RBL2: variants seen among roughly 807,000 people sequenced by gnomAD.
RBL2 encodes the protein RB transcriptional corepressor like 2.
Under a neutral mutation model 126.0 loss-of-function variants are expected in RBL2, and 56 were observed. The ratio of observed to expected loss-of-function variants is 0.44; its 90% CI spans 0.36 to 0.56. The LOEUF (loss-of-function observed/expected upper bound fraction) is 0.56. Ranked by LOEUF, RBL2 falls within the 20% of genes least tolerant of loss-of-function variation. The pLI is 0.00. For missense variants in RBL2, 1,229 were observed against 1,398.2 expected (o/e 0.88, Z 1.93); for synonymous variants, 454 against 478.5 (o/e 0.95, Z 0.67).
chr16:53,461,999 G>C (rs1463545575), intron 10 of RBL2, 149 bp downstream of exon 10: 4 of 618,430 alleles, frequency 6.5e-6, no homozygotes, highest in Non-Finnish European at 5.5e-6. Context: ...TCAACCAACT[G>C]ATTTCTGAGC....
chr16:53,470,969 T>G, intron 17 of RBL2, 47 bp downstream of exon 17: 1 of 1,534,504 alleles, frequency 6.5e-7, no homozygotes, highest in Non-Finnish European at 8.8e-7. Flanking sequence ...TCTTCATTAC[T>G]GAGAACATTT....
At chr16:53,488,530 A>G (rs1961265010) in intron 21 of RBL2, 1 of 152,222 alleles carries the variant, frequency 6.6e-6, no homozygotes. Context: ...TTGACGTAAT[A>G]GGTGATAGCT....
At chr16:53,446,605 C>T (rs1311826119) in intron 3 of RBL2, among the ~76,000 whole-genome samples, 1 of 151,826 alleles carries the variant, frequency 6.6e-6, no homozygotes, top group Admixed American at 6.6e-5. Context: ...ATTAAAAAGG[C>T]CTTTTGTGAT....
In RBL2 at chr16:53,479,870, CATT is replaced by C. The variant is rs1960873679; in HGVS notation, c.2776-15_2776-13del. On this transcript the variant is annotated splice_polypyrimidine_tract_variant and intron_variant, in intron 18 of 21. Transcript: ENST00000262133. ...CAAATACTAGTTTATGTCCCCTTCT[CATT>C]GTTTCTCTAAAGGTGTATAGAAGTG... 1 of 1,525,900 alleles carries C rather than the reference CATT, an allele frequency of 6.6e-7. No individual in the cohort carries two copies. Among genetic ancestry groups the C allele is most frequent in the Non-Finnish European group, 9.0e-7 (1 of 1,112,414 alleles). The allele number at this position is 1,525,900 out of a possible 1,614,324, so 94.5% of individuals were successfully genotyped here.
At chr16:53,479,043 T>C (rs1960839952) in intron 17 of RBL2, 111 bp from the exon 18 acceptor site, 1 of 804,904 alleles carries the variant, frequency 1.2e-6, no homozygotes, top group Admixed American at 2.2e-5. Context: ...AGACTTTAAA[T>C]AGCTTTTATA....
intron 5 of RBL2, among the ~76,000 whole-genome samples, chr16:53,452,133 T>G (rs903261757): frequency 6.6e-6 from 1 of 152,250 alleles, no homozygotes; most frequent in Admixed American, 6.5e-5. Flanking sequence ...ATGATGTTTT[T>G]CTACATTGGC....
At chr16:53,478,908 C>T (rs1183058742) in intron 17 of RBL2, 1 of 424,958 alleles carries the variant, frequency 2.4e-6, no homozygotes, top group Non-Finnish European at 4.2e-6. Flanking sequence ...AGGTGTGAAC[C>T]ACCGCACCTG....
chr16:53,479,862 C>A, intron 18 of RBL2, 24 bp from the exon 19 acceptor site: 1 of 1,482,304 alleles, frequency 6.7e-7, no homozygotes, highest in Non-Finnish European at 9.3e-7. Flanking sequence ...TAGTTTATGT[C>A]CCCTTCTCAT....
chr16:53,462,727 G>A, intron 11 of RBL2, 72 bp downstream of exon 11: 1 of 1,018,544 alleles, frequency 9.8e-7, no homozygotes, highest in Non-Finnish European at 1.4e-6. Context: ...TCTGTGGGTT[G>A]TTTTTTTTAC....
intron 4 of RBL2, chr16:53,449,358 T>TG (rs894729535): frequency 2.2e-4 from 33 of 152,116 alleles, no homozygotes; most frequent in African/African-American, 7.7e-4. Flanking sequence ...CTGGACCTGT[T>TG]GGGGTGGTTT....
chr16:53,465,462 G>C lies in RBL2; in HGVS notation c.1723G>C (p.Glu575Gln), dbSNP rs76818213. Residue 575 changes from glutamate (E) to glutamine (Q), a missense_variant, in exon 13 of 22, where the codon GAA becomes CAA. By Grantham distance (29) the Glu-to-Gln change is conservative. This residue lies in a region of RBL2 where 1,070 missense variants were observed against 1,274.3 expected (regional missense o/e 0.84). Coordinates refer to ENST00000262133, the MANE Select transcript of RBL2 (RefSeq NM_005611.4). ...YKVIEVFIRA[E>Q]DGLCREVVKH... Reference sequence around the variant, plus strand: ...GGTGATAGAAGTATTCATTAGAGCAGAAGATGGCCTTTGTAGAGAGGTGGT... The same window carrying C: ...GGTGATAGAAGTATTCATTAGAGCACAAGATGGCCTTTGTAGAGAGGTGGT... The C allele has an allele frequency of 0.019, 28,936 of 1,548,584 alleles. 335 individuals carry two copies. The highest frequency in any genetic ancestry group is 0.045 in the Middle Eastern group (260 of 5,828).
chr16:53,473,064 C>A (rs1960584353), intron 17 of RBL2, among the ~76,000 whole-genome samples: 1 of 152,160 alleles, frequency 6.6e-6, no homozygotes, highest in African/African-American at 2.4e-5. Context: ...GACTATATGC[C>A]TATCCTTATG....
At position 53,459,434 on chromosome 16, in the gene RBL2, A is replaced by T. The variant is rs2058198045; in HGVS notation, c.1180-17A>T. ...AAAAAATGTTTATTAATTCTGTGTA[A>T]TTTTTTTTTTCTTTAGTCCAAAGCA... On this transcript the variant is annotated splice_polypyrimidine_tract_variant and intron_variant, in intron 8 of 21. Coordinates refer to ENST00000262133, the MANE Select transcript of RBL2 (RefSeq NM_005611.4). The T allele has an allele frequency of 2.0e-6, 3 of 1,527,564 alleles. No homozygotes were observed. Among genetic ancestry groups the T allele is most frequent in the Non-Finnish European group, 2.7e-6 (3 of 1,118,906 alleles). The allele number at this position is 1,527,564 out of a possible 1,614,324, so 94.6% of individuals were successfully genotyped here.
chr16:53,450,987 G>A (rs1390896817), intron 4 of RBL2, among the ~76,000 whole-genome samples: 1 of 151,284 alleles, frequency 6.6e-6, no homozygotes, highest in Non-Finnish European at 1.5e-5. Flanking sequence ...TTATTTTTTC[G>A]GCTGTCTCCT....
intron 1 of RBL2, 51 bp downstream of exon 1, chr16:53,434,847 G>T: frequency 2.1e-6 from 3 of 1,421,574 alleles, no homozygotes; most frequent in Non-Finnish European, 2.8e-6. Flanking sequence ...GTGAACCGGT[G>T]CCTTCCGAGC....
At chr16:53,469,030 G>A (rs1175057403) in intron 14 of RBL2, among the ~76,000 whole-genome samples, 1 of 152,148 alleles carries the variant, frequency 6.6e-6, no homozygotes, top group Non-Finnish European at 1.5e-5. Context: ...AGGAGTTCGA[G>A]ACCAGCCTGG....
chr16:53,447,018 AC>A, intron 3 of RBL2, 23 bp from the exon 4 acceptor site: 1 of 1,412,132 alleles, frequency 7.1e-7, no homozygotes, highest in Non-Finnish European at 9.5e-7. Flanking sequence ...TTGTCTCATG[AC>A]TTTTTTTTTT....
intron 19 of RBL2, 101 bp from the exon 20 acceptor site, chr16:53,480,466 A>T (rs1477882723): frequency 1.1e-6 from 1 of 941,608 alleles, no homozygotes; most frequent in Non-Finnish European, 1.6e-6. Context: ...TGTTATTAGC[A>T]AGTAGTGCAG....
At chr16:53,471,572 G>A (rs756207429) in intron 17 of RBL2, among the ~76,000 whole-genome samples, 5 of 151,956 alleles carry the variant, frequency 3.3e-5, no homozygotes, top group East Asian at 1.9e-4. Flanking sequence ...AGGTTCAAGC[G>A]ATTCTCCTGT....
Sources: allele counts gnomAD v4.1 joint callset (sites outside exome capture counted in the v4.1 genomes callset), GRCh38; gene constraint gnomAD v4.1.1; regional missense constraint gnomAD v4.1.1; transcripts MANE v1.5; gene names NCBI Gene and HGNC (gene_info 2026-07-23, HGNC 2026-07-21).